Variants in CORIN observed in about 807,000 individuals in gnomAD.
The protein encoded by CORIN is corin, serine peptidase.
A neutral mutation model predicts 125.3 loss-of-function variants in CORIN; 117 were observed. The observed-to-expected ratio is 0.93, with a 90% CI of 0.80 to 1.09. The LOEUF (loss-of-function observed/expected upper bound fraction) is 1.09. Ranked by LOEUF, CORIN falls within the 50% of genes least tolerant of loss-of-function variation. CORIN has a pLI of 0.00. For missense variants in CORIN, 1,253 were observed against 1,306.7 expected, an observed-to-expected ratio of 0.96 and a Z score of 0.63; for synonymous variants, 450 against 466.4, an observed-to-expected ratio of 0.96 and a Z score of 0.45.
chr4:47,684,411 T>C (rs781757296), intron 6 of CORIN, among the ~76,000 whole-genome samples: 3 of 152,206 alleles, frequency 2.0e-5, no homozygotes, highest in African/African-American at 7.2e-5. Context: ...GCTTATAGTT[T>C]AATGTTGAAA....
At chr4:47,756,267 T>A (rs1318023626) in intron 4 of CORIN, among the ~76,000 whole-genome samples, 2 of 152,146 alleles carry the variant, frequency 1.3e-5, no homozygotes, top group African/African-American at 4.8e-5. Context: ...GGAAGGTCAG[T>A]GCAACTGGAG....
chr4:47,685,389 G>A (rs1409625023), intron 6 of CORIN, among the ~76,000 whole-genome samples: 11 of 152,096 alleles, frequency 7.2e-5, no homozygotes, highest in African/African-American at 1.7e-4. Context: ...AAAAAGTTAC[G>A]CTGTGTGAAA....
At chr4:47,706,835 G>A in intron 5 of CORIN, 2 of 1,598,384 alleles carry the variant, frequency 1.3e-6, no homozygotes, top group Non-Finnish European at 1.7e-6. Flanking sequence ...CACCAAACCA[G>A]TCCACAAGCA....
intron 21 of CORIN, among the ~76,000 whole-genome samples, chr4:47,598,269 T>C (rs1464204954): frequency 2.6e-5 from 4 of 152,184 alleles, no homozygotes; most frequent in Admixed American, 2.0e-4. Flanking sequence ...TGTCATATAA[T>C]AGAGGTCTAA....
At chr4:47,827,696 A>G (rs768405573) in intron 1 of CORIN, among the ~76,000 whole-genome samples, 2 of 152,056 alleles carry the variant, frequency 1.3e-5, no homozygotes, top group Non-Finnish European at 2.9e-5. Flanking sequence ...GCACATTTTT[A>G]TTATGTTTTT....
Position 47,823,803 on chromosome 4 carries a change from C to T in CORIN, c.63+14084G>A, listed in dbSNP as rs16860662. On this transcript the variant is annotated intron_variant, in intron 1 of 21. Transcript: ENST00000273857. ...CCAGCTGCCATGTGGGCGCCATGCT[C>T]ACCCTGTCCCAGACGCCGTGCTCAT... Among the ~76,000 whole-genome samples, 770 of 152,338 alleles carry T rather than the reference C, an allele frequency of 5.1e-3. 5 individuals are homozygous for T. Among genetic ancestry groups the T allele is most frequent in the African/African-American group, 0.018 (733 of 41,576 alleles).
intron 20 of CORIN, among the ~76,000 whole-genome samples, chr4:47,602,117 C>A (rs6834933): frequency 0.78 from 117,472 of 150,560 alleles, 45,965 homozygotes; most frequent in African/African-American, 0.83. Context: ...ATACAAAAAA[C>A]AAAATTAGCC....
intron 19 of CORIN, among the ~76,000 whole-genome samples, chr4:47,616,884 T>C (rs1290110936): frequency 6.6e-6 from 1 of 152,146 alleles, no homozygotes; most frequent in Non-Finnish European, 1.5e-5. Flanking sequence ...AAAGATAAAT[T>C]AATGATGCAA....
At chr4:47,719,389 A>T (rs867274717) in intron 5 of CORIN, among the ~76,000 whole-genome samples, 4 of 152,146 alleles carry the variant, frequency 2.6e-5, no homozygotes, top group African/African-American at 9.7e-5. Context: ...TTGTTATATA[A>T]ATGAATAGTG....
At chr4:47,835,477 T>C (rs1733348082) in intron 1 of CORIN, among the ~76,000 whole-genome samples, 1 of 152,160 alleles carries the variant, frequency 6.6e-6, no homozygotes, top group South Asian at 2.1e-4. Context: ...AGTCTTTGTG[T>C]TGAAAGAGGC....
At chr4:47,801,903 A>G (rs1731561426) in intron 2 of CORIN, among the ~76,000 whole-genome samples, 1 of 152,208 alleles carries the variant, frequency 6.6e-6, no homozygotes, top group Non-Finnish European at 1.5e-5. Flanking sequence ...CACATGACCT[A>G]CTGAGACACA....
rs191149824 is a variant in CORIN at position 47,635,502 on chromosome 4, A to G, written c.2198+6418T>C. On this transcript the variant is annotated intron_variant, in intron 16 of 21. Coordinates refer to ENST00000273857, the MANE Select transcript of CORIN (RefSeq NM_006587.4). ...GTATTCTATGCAAAAATAACGGTGA[A>G]GGAAAGTTTGAAATGTTTTATGCTT... Among the ~76,000 whole-genome samples, 334 of 152,322 alleles carry G rather than the reference A, an allele frequency of 2.2e-3. 3 individuals are homozygous for G. The highest frequency in any genetic ancestry group is 5.6e-4 in the Non-Finnish European group (38 of 68,032).
chr4:47,702,731 AC>A (rs776774715), intron 5 of CORIN, among the ~76,000 whole-genome samples: 3 of 152,276 alleles, frequency 2.0e-5, no homozygotes, highest in South Asian at 2.1e-4. Flanking sequence ...TAGAAAAAAA[AC>A]ATACTTCTTT....
chr4:47,620,283 T>C (rs1156726166), intron 19 of CORIN, among the ~76,000 whole-genome samples: 1 of 152,180 alleles, frequency 6.6e-6, no homozygotes, highest in Non-Finnish European at 1.5e-5. Context: ...TGCAGTATTG[T>C]TAAAATGGCA....
intron 5 of CORIN, among the ~76,000 whole-genome samples, chr4:47,697,005 G>A (rs1373681759): frequency 6.6e-6 from 1 of 152,168 alleles, no homozygotes; most frequent in Non-Finnish European, 1.5e-5. Flanking sequence ...CTCCACCTCG[G>A]AAGAGAAAGC....
At chr4:47,768,656 C>G (rs559163321) in intron 3 of CORIN, among the ~76,000 whole-genome samples, 1 of 152,102 alleles carries the variant, frequency 6.6e-6, no homozygotes, top group Non-Finnish European at 1.5e-5. Flanking sequence ...ACCTGGGATG[C>G]AAGGATGTTT....
chr4:47,819,426 A>C (rs1156353642), intron 1 of CORIN, among the ~76,000 whole-genome samples: 1 of 152,232 alleles, frequency 6.6e-6, no homozygotes, highest in African/African-American at 2.4e-5. Context: ...TAAATTAAGA[A>C]GGAAGTTAAA....
At chr4:47,692,845 G>A (rs1289875405) in intron 6 of CORIN, 125 bp downstream of exon 6, 4 of 715,072 alleles carry the variant, frequency 5.6e-6, no homozygotes, top group Non-Finnish European at 9.9e-6. Flanking sequence ...TCATTCTGGG[G>A]GAAGATAAAC....
chr4:47,803,904 A>G (rs1254972639), intron 2 of CORIN, among the ~76,000 whole-genome samples: 1 of 152,244 alleles, frequency 6.6e-6, no homozygotes. Context: ...AACAGTCAAC[A>G]AAGTGAAGAG....
Sources: allele counts gnomAD v4.1 joint callset (sites outside exome capture counted in the v4.1 genomes callset), GRCh38; gene constraint gnomAD v4.1.1; transcripts MANE v1.5; gene names NCBI Gene and HGNC (gene_info 2026-07-23, HGNC 2026-07-21).